Variants in CCZ1 observed in about 807,000 individuals in gnomAD.
CCZ1 encodes CCZ1 vacuolar protein trafficking and biogenesis associated.
Under a neutral mutation model 57.8 loss-of-function variants are expected in CCZ1, and 19 were observed. The observed-to-expected ratio is 0.33, with a 90% CI of 0.23 to 0.48. The LOEUF (loss-of-function observed/expected upper bound fraction) is 0.48, where lower values mean the gene tolerates loss of function less well. CCZ1 is among the 20% of genes least tolerant of loss of function. The pLI, the probability that CCZ1 is intolerant of heterozygous loss-of-function variation, is 0.99. For missense variants in CCZ1, 200 were observed against 492.0 expected (o/e 0.41, Z 5.61); for synonymous variants, 81 against 167.0 (o/e 0.49, Z 3.97).
rs200899553 is a variant in CCZ1 at position 5,920,470 on chromosome 7, C to CTTTTTTTTTTTTTTTTTTTTTTTTTTT, written c.1106+521_1106+522insTTTTTTTTTTTTTTTTTTTTTTTTTTT. ...ATGTCCTTGAATTCTTTCTCCCTGG[C>CTTTTTTTTTTTTTTTTTTTTTTTTTTT]TTTTTTTTTTTTTTTTTGAGACAAA... is the stretch of plus-strand genomic sequence containing the variant. On this transcript the variant is annotated intron_variant, in intron 12 of 14. Transcript: ENST00000325974. 5.3e-4 allele frequency among the ~76,000 whole-genome samples: 51 copies of CTTTTTTTTTTTTTTTTTTTTTTTTTTT among 95,944 alleles called. 1 individual carries two copies. The highest frequency in any genetic ancestry group is 2.1e-3 in the East Asian group (8 of 3,728). 62.9% of individuals were successfully genotyped at this position (95,944 alleles called of 152,430 possible).
chr7:5,920,951 G>GTT (rs201738735), intron 12 of CCZ1, among the ~76,000 whole-genome samples: 19,041 of 82,844 alleles, frequency 0.23, 1,246 homozygotes, highest in African/African-American at 0.31. Flanking sequence ...TGTTTTTTGG[G>GTT]TTTTTTTTTT....
chr7:5,906,323 C>T (rs867432264), intron 7 of CCZ1, among the ~76,000 whole-genome samples: 17 of 128,034 alleles, frequency 1.3e-4, no homozygotes, highest in South Asian at 2.6e-4. Flanking sequence ...TTCTTTCTTT[C>T]TTTTTTTTTT....
rs950989283 is a variant in CCZ1 at position 5,901,816 on chromosome 7, G to T, written c.438+112G>T. ...ATGACTGCAAAGTGACTCTGTATTT[G>T]TCTTAGAGAAGAAAATAATGAGGCC... On this transcript the variant is annotated intron_variant, in intron 5 of 14. Coordinates refer to ENST00000325974, the MANE Select transcript of CCZ1 (RefSeq NM_015622.6). 28 of 1,374,150 alleles carry T rather than the reference G, an allele frequency of 2.0e-5. No homozygotes were observed. The South Asian group carries it at 3.0e-4, about 15-fold the overall frequency. The allele number at this position is 1,374,150 out of a possible 1,614,324, so 85.1% of individuals were successfully genotyped here.
In CCZ1 at chr7:5,910,104, C is replaced by T. The variant is rs766538451; in HGVS notation, c.768C>T (p.His256=). ...TTACCACCTCCCTTTTTCCAAGGCA[C>T]ATCGAACCTGAGGTATGATGGGTAC... is the stretch of plus-strand genomic sequence containing the variant. The part of the protein sequence containing the change: ...KYLTTSLFPR[H]IEPELAGRDS... Residue 256 remains histidine, a synonymous_variant, in exon 8 of 15, where the codon CAC becomes CAT. Transcript: ENST00000325974. 15 of 1,572,262 alleles carry T rather than the reference C, an allele frequency of 9.5e-6. 1 individual carries two copies. In the African/African-American group the frequency reaches 1.8e-4, roughly 19 times the overall value.
In CCZ1 at chr7:5,910,251, C is replaced by T; in HGVS notation, c.780+135C>T. ...TTGTCTTACTGTGATATTTGTGTCA[C>T]TGTATATCAATTAGCACAGAAAACC... On this transcript the variant is annotated intron_variant, in intron 8 of 14. Transcript: ENST00000325974. 6.4e-6 allele frequency: 5 copies of T among 777,094 alleles called. No homozygotes were observed. The South Asian group carries it at 7.8e-5, about 12-fold the overall frequency. The allele number at this position is 777,094 out of a possible 1,614,324, so 48.1% of individuals were successfully genotyped here.
chr7:5,908,524 G>A (rs1369752520), intron 7 of CCZ1, among the ~76,000 whole-genome samples: 3 of 148,090 alleles, frequency 2.0e-5, no homozygotes, highest in East Asian at 2.2e-4. Flanking sequence ...GATTAGAGGT[G>A]TGTGCTATCA....
intron 7 of CCZ1, 138 bp from the exon 8 acceptor site, chr7:5,909,897 C>T (rs1781928414): frequency 1.5e-6 from 1 of 658,898 alleles, no homozygotes; most frequent in Non-Finnish European, 2.6e-6. Flanking sequence ...TAGCTTTAGA[C>T]TTTAAAAAGT....
chr7:5,900,412 A>G (rs1781660979), intron 2 of CCZ1, 31 bp downstream of exon 2: 1 of 1,555,594 alleles, frequency 6.4e-7, no homozygotes, highest in African/African-American at 1.4e-5. Flanking sequence ...TTTAGCGTTC[A>G]GTGAATTCTT....
In CCZ1 at chr7:5,912,826, C is replaced by G. The variant is rs765467765; in HGVS notation, c.843-17C>G. 9.0e-7 allele frequency: 1 copy of G among 1,113,500 alleles called. No individual in the cohort carries two copies. Among genetic ancestry groups the G allele is most frequent in the Non-Finnish European group, 1.4e-6 (1 of 727,868 alleles). 69.0% of individuals were successfully genotyped at this position (1,113,500 alleles called of 1,614,324 possible). ...TTCACCTCGTTGAATCAAGTCATGT[C>G]TGTTCTTGCTTTTAAGATTTCTTAC... is the stretch of plus-strand genomic sequence containing the variant. On this transcript the variant is annotated splice_polypyrimidine_tract_variant and intron_variant, in intron 9 of 14. Transcript: ENST00000325974.
intron 7 of CCZ1, among the ~76,000 whole-genome samples, chr7:5,905,574 G>A (rs904627486): frequency 1.4e-5 from 2 of 145,538 alleles, no homozygotes; most frequent in Admixed American, 6.8e-5. Context: ...ACGAGGTCAG[G>A]AGTTGGAGAC....
At position 5,912,377 on chromosome 7, in the gene CCZ1, C is replaced by CTTTTT. The variant is rs4036238; in HGVS notation, c.843-437_843-433dup. 1.4e-3 allele frequency among the ~76,000 whole-genome samples: 77 copies of CTTTTT among 54,704 alleles called. 12 individuals carry two copies. The highest frequency in any genetic ancestry group is 1.5e-3 in the Non-Finnish European group (46 of 31,056). The allele number at this position is 54,704 out of a possible 152,430, so 35.9% of individuals were successfully genotyped here. The stretch of plus-strand genomic sequence containing the variant: ...GAGTTAAAACTTACTTCAGCATACC[C>CTTTTT]TTTTTTTTTTTTTTTTTTTTTTTTT... On this transcript the variant is annotated intron_variant, in intron 9 of 14. Transcript: ENST00000325974.
rs1253413454 is a variant in CCZ1, at chr7:5,900,265, C to G, written c.121-19C>G. ...AAATGTTTCTATTCATGTTGTGCTT[C>G]TGTTTCCTCATGTTTCAGGAGGAAA... On this transcript the variant is annotated intron_variant, in intron 1 of 14. Coordinates refer to ENST00000325974, the MANE Select transcript of CCZ1 (RefSeq NM_015622.6). The G allele has an allele frequency of 1.3e-5, 19 of 1,411,590 alleles. No homozygotes were observed. 87.4% of individuals were successfully genotyped at this position (1,411,590 alleles called of 1,614,324 possible). A position where few individuals can be genotyped will look rare whatever the true frequency, so the allele number is the denominator to read the frequency against.
At chr7:5,902,597 T>G in intron 5 of CCZ1, 64 bp from the exon 6 acceptor site, 2 of 1,519,922 alleles carry the variant, frequency 1.3e-6, no homozygotes, top group Non-Finnish European at 1.7e-6. Flanking sequence ...AAAAAGAACT[T>G]GTTATACTGA....
intron 6 of CCZ1, among the ~76,000 whole-genome samples, chr7:5,903,126 T>A (rs1315637448): frequency 6.7e-6 from 1 of 149,062 alleles, no homozygotes; most frequent in Non-Finnish European, 1.5e-5. Context: ...AGGGATTGGT[T>A]CTGTTCACTA....
rs567310468 is a variant in CCZ1 at position 5,899,770 on chromosome 7, AAG to A, written c.121-512_121-511del. On this transcript the variant is annotated intron_variant, in intron 1 of 14. Transcript: ENST00000325974. Reference sequence around the variant, plus strand: ...GCAGCACAGACCCCATCTCCAGAAAAAGAAAAAAAAGCAACTTGTCAGTTCAA... The same window carrying A: ...GCAGCACAGACCCCATCTCCAGAAAAAAAAAAAAGCAACTTGTCAGTTCAA... Among the ~76,000 whole-genome samples, 329 of 151,936 alleles carry A rather than the reference AAG, an allele frequency of 2.2e-3. 2 individuals carry two copies. Among genetic ancestry groups the A allele is most frequent in the African/African-American group, 7.6e-3 (315 of 41,306 alleles).
intron 8 of CCZ1, 147 bp downstream of exon 8, chr7:5,910,263 T>C: frequency 3.0e-6 from 2 of 669,528 alleles, no homozygotes; most frequent in Non-Finnish European, 4.9e-6. Flanking sequence ...GTATATCAAT[T>C]AGCACAGAAA....
At chr7:5,909,171 GT>G (rs1199580478) in intron 7 of CCZ1, among the ~76,000 whole-genome samples, 1 of 147,774 alleles carries the variant, frequency 6.8e-6, no homozygotes, top group Non-Finnish European at 1.5e-5. Flanking sequence ...CCTTTTGCAG[GT>G]CAGGATAAAG....
Position 5,901,701 on chromosome 7 carries a change from C to T in CCZ1, c.435C>T (p.Tyr145=), listed in dbSNP as rs1436977752. Residue 145 remains tyrosine (Y), a synonymous_variant, in exon 5 of 15, where the codon TAC becomes TAT. Coordinates refer to ENST00000325974, the MANE Select transcript of CCZ1 (RefSeq NM_015622.6). Reference sequence around the variant, plus strand: ...TGCTGCGGCAGTGCTACAGCATGTACAAGGTAAGCGTGGCGTTCTTTCTCA... The same window carrying T: ...TGCTGCGGCAGTGCTACAGCATGTATAAGGTAAGCGTGGCGTTCTTTCTCA... ...SSVLRQCYSM[Y]KLFNGTFLKA... 5 of 1,598,484 alleles carry T rather than the reference C, an allele frequency of 3.1e-6. 1 individual carries two copies. Among genetic ancestry groups the T allele is most frequent in the African/African-American group, 1.4e-5 (1 of 72,722 alleles).
chr7:5,914,982 G>C, intron 10 of CCZ1, among the ~76,000 whole-genome samples: 1 of 146,996 alleles, frequency 6.8e-6, no homozygotes, highest in Non-Finnish European at 1.5e-5. Flanking sequence ...GAATAAGTGA[G>C]CACACCAAGA....
Sources: allele counts gnomAD v4.1 joint callset (sites outside exome capture counted in the v4.1 genomes callset), GRCh38; gene constraint gnomAD v4.1.1; transcripts MANE v1.5; gene names NCBI Gene and HGNC (gene_info 2026-07-23, HGNC 2026-07-21).